Variants in TUBB8 observed in about 807,000 individuals in gnomAD.
The protein encoded by TUBB8 is tubulin beta 8 class VIII.
In TUBB8, 25 loss-of-function variants were observed where a neutral mutation model predicts 33.7. The ratio of observed to expected loss-of-function variants is 0.74; its 90% confidence interval spans 0.54 to 1.04. TUBB8 has a LOEUF of 1.04. Among genes scored for constraint, TUBB8 ranks in the 50% least tolerant of loss-of-function variants. The pLI is 0.00. For missense variants in TUBB8, 279 were observed against 608.0 expected, an observed-to-expected ratio of 0.46 and a Z score of 5.69; for synonymous variants, 245 against 240.1, an observed-to-expected ratio of 1.02 and a Z score of -0.19.
At chr10:52,407 G>A (rs1478217263), upstream of TUBB8, among the ~76,000 whole-genome samples, 2 of 152,322 alleles carry the variant, frequency 1.3e-5, no homozygotes, top group Middle Eastern at 3.4e-3. Flanking sequence ...TAGATCTTGT[G>A]CAGTAAAAAA....
At position 72,925 on chromosome 10, in the gene TUBB8, TATTA is replaced by T. The variant is rs1834757480; in HGVS notation, c.-846+1040_-846+1043del. Among the ~76,000 whole-genome samples the T allele has an allele frequency of 2.0e-5, 3 of 151,530 alleles. No individual in the cohort carries two copies. The South Asian group carries it at 6.2e-4, about 32-fold the overall frequency. On this transcript the variant is annotated intron_variant, in intron 1 of 3. Coordinates refer to the TUBB8 transcript ENST00000564130. ...AGGGCCATACGGGTTTACAGCTCAG[TATTA>T]AATAACCTTAACGAAATCTGATTTT...
chr10:57,002 A>G (rs1785760399), intron 1 of TUBB8, among the ~76,000 whole-genome samples: 1 of 152,182 alleles, frequency 6.6e-6, no homozygotes, highest in Non-Finnish European at 1.5e-5. Flanking sequence ...CATTGGGTAA[A>G]TATTCCTATT....
rs1834566001 is a variant in TUBB8, at chr10:59,010, A to C, written c.-845-8777T>G. ...ATATTCTTGTCATCTTCCAGAGTTT[A>C]GAGGAAAGGCTTTTAGTTTTTCCCC... On this transcript the variant is annotated intron_variant, in intron 1 of 3. Coordinates refer to the TUBB8 transcript ENST00000564130. 1.3e-5 allele frequency among the ~76,000 whole-genome samples: 2 copies of C among 152,184 alleles called. 1 individual carries two copies. Among genetic ancestry groups the C allele is most frequent in the Admixed American group, 1.3e-4 (2 of 15,284 alleles).
upstream of TUBB8, among the ~76,000 whole-genome samples, chr10:74,322 C>A (rs565445014): frequency 3.9e-4 from 59 of 151,586 alleles, no homozygotes; most frequent in Admixed American, 1.2e-3. Context: ...GTCCCTTGAC[C>A]GGAACGCATG....
intron 1 of TUBB8, among the ~76,000 whole-genome samples, chr10:72,763 C>A (rs1413689297): frequency 2.4e-4 from 32 of 136,160 alleles, no homozygotes; most frequent in African/African-American, 5.6e-4. Context: ...TGAGACAGAG[C>A]ATTGCTTCAA....
intron 1 of TUBB8, among the ~76,000 whole-genome samples, chr10:72,515 G>A (rs1323885595): frequency 1.1e-4 from 17 of 152,256 alleles, no homozygotes; most frequent in Admixed American, 7.8e-4. Flanking sequence ...CTGAGATCGC[G>A]CCACTGCAGT....
intron 1 of TUBB8, among the ~76,000 whole-genome samples, chr10:59,517 A>C (rs1274181532): frequency 2.0e-5 from 3 of 152,210 alleles, no homozygotes; most frequent in African/African-American, 7.2e-5. Flanking sequence ...GATATATCAC[A>C]TTGACTGATT....
intron 1 of TUBB8, among the ~76,000 whole-genome samples, chr10:57,368 G>A (rs1206531179): frequency 3.9e-5 from 6 of 152,220 alleles, no homozygotes; most frequent in African/African-American, 4.8e-5. Context: ...CCCACATGGG[G>A]ACTGTAACTC....
chr10:51,376 G>A (rs1382777858), upstream of TUBB8, among the ~76,000 whole-genome samples: 1 of 152,156 alleles, frequency 6.6e-6, no homozygotes, highest in East Asian at 1.9e-4. Flanking sequence ...CCAAAGTGCT[G>A]GGATTACAGC....
rs552070018 is a variant in TUBB8 at position 46,921 on chromosome 10, C to A, written c.*136G>T. 6 of 580,342 alleles carry A rather than the reference C, an allele frequency of 1.0e-5. No individual in the cohort carries two copies. Among genetic ancestry groups the A allele is most frequent in the Admixed American group, 9.4e-5 (3 of 32,042 alleles). The allele number at this position is 580,342 out of a possible 1,614,324, so 35.9% of individuals were successfully genotyped here. A position where few individuals can be genotyped will look rare whatever the true frequency, so the allele number is the denominator to read the frequency against. ...GTGAGAATACTTTATTAGTCAAAACCGCATACTATAAAAATGCTTTAAAAC... is the reference window on the plus strand; with the variant it reads ...GTGAGAATACTTTATTAGTCAAAACAGCATACTATAAAAATGCTTTAAAAC... On this transcript the variant is annotated 3_prime_UTR_variant, in exon 4 of 4. Coordinates refer to ENST00000568584, the MANE Select transcript of TUBB8 (RefSeq NM_177987.3).
At chr10:60,452 T>C (rs1348020930) in intron 1 of TUBB8, among the ~76,000 whole-genome samples, 4 of 152,144 alleles carry the variant, frequency 2.6e-5, no homozygotes, top group African/African-American at 9.7e-5. Flanking sequence ...AAGACATTTA[T>C]GCAGCCAAAA....
At chr10:61,384 T>C (rs182652606) in intron 1 of TUBB8, among the ~76,000 whole-genome samples, 245 of 152,342 alleles carry the variant, frequency 1.6e-3, no homozygotes, top group African/African-American at 5.5e-3. Context: ...TTCAAGAGCA[T>C]ATTGTTTAAT....
intron 1 of TUBB8, among the ~76,000 whole-genome samples, chr10:55,810 T>G (rs1813751900): frequency 1.3e-5 from 2 of 152,246 alleles, no homozygotes; most frequent in Non-Finnish European, 2.9e-5. Context: ...CTGTATGAGT[T>G]TGTTTCTAAG....
chr10:58,917 G>T (rs1476708811), intron 1 of TUBB8, among the ~76,000 whole-genome samples: 1 of 151,968 alleles, frequency 6.6e-6, no homozygotes, highest in Non-Finnish European at 1.5e-5. Flanking sequence ...TTTTATTATT[G>T]CTTTCTCTTG....
chr10:48,586 C>G (rs1433424184), intron 3 of TUBB8, 29 bp downstream of exon 3: 1 of 1,584,028 alleles, frequency 6.3e-7, no homozygotes, highest in Non-Finnish European at 8.7e-7. Flanking sequence ...GGCTAAGGAG[C>G]CGCACCCCAG....
rs1554739036 is a variant in TUBB8, at chr10:49,185, G to A, written c.54C>T (p.Ala18=). The stretch of plus-strand genomic sequence containing the variant: ...CCTCAGAGCCCCGGCTGCCAACCTT[G>A]GCGCCGATCTGATTCCCGCACTGCC... The part of the protein sequence containing the change: ...QIGQCGNQIG[A]KFWEVISDEH... Residue 18 remains alanine (A), a synonymous_variant, in exon 1 of 4, where the codon GCC becomes GCT. Transcript: ENST00000568584. 2.5e-6 allele frequency: 4 copies of A among 1,572,632 alleles called. No homozygotes were observed. Among genetic ancestry groups the A allele is most frequent in the Non-Finnish European group, 3.4e-6 (4 of 1,159,872 alleles).
At chr10:71,259 G>A (rs558383918) in intron 1 of TUBB8, among the ~76,000 whole-genome samples, 24 of 151,988 alleles carry the variant, frequency 1.6e-4, no homozygotes, top group East Asian at 3.9e-4. Context: ...AGGTTGCAGC[G>A]AGCGGAGATC....
At chr10:59,959 G>A (rs61189313) in intron 1 of TUBB8, among the ~76,000 whole-genome samples, 129 of 152,028 alleles carry the variant, frequency 8.5e-4, no homozygotes, top group African/African-American at 3.0e-3. Flanking sequence ...TTTCTGAAAC[G>A]TTACTTGTAA....
intron 1 of TUBB8, among the ~76,000 whole-genome samples, chr10:60,440 AG>A (rs1280361895): frequency 1.3e-5 from 2 of 152,236 alleles, no homozygotes; most frequent in Non-Finnish European, 2.9e-5. Flanking sequence ...ACTTCTCAAA[AG>A]AAGACATTTA....
Sources: allele counts gnomAD v4.1 joint callset (sites outside exome capture counted in the v4.1 genomes callset), GRCh38; gene constraint gnomAD v4.1.1; transcripts MANE v1.5; gene names NCBI Gene and HGNC (gene_info 2026-07-23, HGNC 2026-07-21).